CAMK2D: variants seen among roughly 807,000 people sequenced by gnomAD.
CAMK2D encodes the protein calcium/calmodulin-dependent protein kinase type II subunit delta.
In CAMK2D, 37 loss-of-function variants were observed where a neutral mutation model predicts 84.0. The observed-to-expected ratio is 0.44, with a 90% CI of 0.34 to 0.58. CAMK2D has a LOEUF of 0.58. Ranked by LOEUF, CAMK2D falls within the 20% of genes least tolerant of loss-of-function variation. The pLI, the probability that CAMK2D is intolerant of heterozygous loss-of-function variation, is 0.02. For missense variants in CAMK2D, 448 were observed against 652.5 expected (o/e 0.69, Z 3.41); for synonymous variants, 202 against 212.5 (o/e 0.95, Z 0.43).
chr4:113,617,315 T>C (rs28425537), intron 3 of CAMK2D, among the ~76,000 whole-genome samples: 23,136 of 151,822 alleles, frequency 0.15, 1,819 homozygotes, highest in East Asian at 0.19. Flanking sequence ...TACAAAAAAT[T>C]AGCTGGGTGT....
chr4:113,740,237 A>C (rs2099589650), intron 2 of CAMK2D, among the ~76,000 whole-genome samples: 1 of 152,204 alleles, frequency 6.6e-6, no homozygotes, highest in African/African-American at 2.4e-5. Flanking sequence ...CAGAATGGAC[A>C]AAAGGTAGAA....
At chr4:113,600,847 C>A (rs1031355183) in intron 4 of CAMK2D, among the ~76,000 whole-genome samples, 1 of 152,150 alleles carries the variant, frequency 6.6e-6, no homozygotes, top group Non-Finnish European at 1.5e-5. Flanking sequence ...GTTGCCCAGG[C>A]TGATCTTTAA....
chr4:113,752,566 C>G (rs1209670810), intron 2 of CAMK2D, among the ~76,000 whole-genome samples: 6 of 152,110 alleles, frequency 3.9e-5, no homozygotes, highest in Non-Finnish European at 5.9e-5. Flanking sequence ...AAGAGTAGAA[C>G]AGCTTTCTGA....
intron 4 of CAMK2D, among the ~76,000 whole-genome samples, chr4:113,592,142 C>A (rs2098891297): frequency 6.6e-6 from 1 of 152,040 alleles, no homozygotes. Context: ...TAACTGCAAG[C>A]CGACAGCAGA....
chr4:113,578,436 T>C (rs952085862), intron 4 of CAMK2D, among the ~76,000 whole-genome samples: 5 of 152,224 alleles, frequency 3.3e-5, no homozygotes, highest in Admixed American at 1.3e-4. Flanking sequence ...CCACTCACTC[T>C]GTTCCATCTC....
intron 4 of CAMK2D, among the ~76,000 whole-genome samples, chr4:113,596,895 C>T (rs1464174690): frequency 6.6e-6 from 1 of 151,298 alleles, no homozygotes; most frequent in Non-Finnish European, 1.5e-5. Context: ...TCTCAGCTCA[C>T]TGCAATCTCA....
chr4:113,647,763 T>C (rs2099157588), intron 3 of CAMK2D, among the ~76,000 whole-genome samples: 1 of 152,260 alleles, frequency 6.6e-6, no homozygotes, highest in African/African-American at 2.4e-5. Context: ...TTCCATCTCT[T>C]TTCTCTCATC....
intron 18 of CAMK2D, among the ~76,000 whole-genome samples, chr4:113,458,840 A>G (rs2097336471): frequency 6.6e-6 from 1 of 152,206 alleles, no homozygotes; most frequent in Non-Finnish European, 1.5e-5. Context: ...CCTATAATAC[A>G]TTTCTTTTTT....
intron 8 of CAMK2D, among the ~76,000 whole-genome samples, chr4:113,523,820 T>TA (rs2098393540): frequency 6.6e-6 from 1 of 151,338 alleles, no homozygotes; most frequent in Admixed American, 6.6e-5. Flanking sequence ...AATAAATAAA[T>TA]AATTAGTACA....
intron 3 of CAMK2D, among the ~76,000 whole-genome samples, chr4:113,661,348 T>G (rs2099231166): frequency 6.6e-6 from 1 of 152,196 alleles, no homozygotes; most frequent in African/African-American, 2.4e-5. Context: ...AATTATGTGG[T>G]TAAAATAAAG....
At chr4:113,496,329 A>G (rs1360884873) in intron 16 of CAMK2D, among the ~76,000 whole-genome samples, 1 of 152,106 alleles carries the variant, frequency 6.6e-6, no homozygotes, top group Admixed American at 6.5e-5. Flanking sequence ...AAAGAATTGT[A>G]TATTTTGAAA....
Position 113,643,961 on chromosome 4 carries a change from G to T in CAMK2D, c.220+17752C>A, listed in dbSNP as rs1254473475. Among the ~76,000 whole-genome samples, 8 of 152,266 alleles carry T rather than the reference G, an allele frequency of 5.3e-5. No homozygotes were observed. The East Asian group carries it at 7.7e-4, about 15-fold the overall frequency. On this transcript the variant is annotated intron_variant, in intron 3 of 20. Coordinates refer to ENST00000511664, the MANE Select transcript of CAMK2D (RefSeq NM_001321571.2). Reference sequence around the variant, plus strand: ...AAGTAATTCTCTTCATGAGATATTTGCAAATCAAGGTGAATACAATATGCT... The same window carrying T: ...AAGTAATTCTCTTCATGAGATATTTTCAAATCAAGGTGAATACAATATGCT...
chr4:113,717,994 T>G (rs1247043203), intron 2 of CAMK2D, among the ~76,000 whole-genome samples: 1 of 152,028 alleles, frequency 6.6e-6, no homozygotes, highest in East Asian at 1.9e-4. Flanking sequence ...AAGACTTAAA[T>G]TTTTAAAGCA....
chr4:113,657,651 CAT>C (rs1410817593), intron 3 of CAMK2D, among the ~76,000 whole-genome samples: 1 of 151,946 alleles, frequency 6.6e-6, no homozygotes, highest in African/African-American at 2.4e-5. Context: ...GTCAGAAAAA[CAT>C]AAAAAATAAC....
At chr4:113,656,787 A>G (rs1345144605) in intron 3 of CAMK2D, among the ~76,000 whole-genome samples, 1 of 152,102 alleles carries the variant, frequency 6.6e-6, no homozygotes. Context: ...TGTGACCTCC[A>G]TAGATATATC....
intron 8 of CAMK2D, among the ~76,000 whole-genome samples, chr4:113,524,936 C>T (rs2098405098): frequency 1.3e-5 from 2 of 152,264 alleles, no homozygotes; most frequent in South Asian, 4.1e-4. Flanking sequence ...TGGATGAAGG[C>T]AGAAGGCTTC....
At chr4:113,669,932 A>C (rs2099273041) in intron 2 of CAMK2D, among the ~76,000 whole-genome samples, 1 of 152,188 alleles carries the variant, frequency 6.6e-6, no homozygotes. Flanking sequence ...ATTAGGACAC[A>C]TGGTATCAGA....
intron 7 of CAMK2D, among the ~76,000 whole-genome samples, chr4:113,532,252 G>A (rs2154183782): frequency 6.6e-6 from 1 of 152,224 alleles, no homozygotes; most frequent in South Asian, 2.1e-4. Flanking sequence ...AAAAGAAAAT[G>A]AGGAAAAAAA....
intron 2 of CAMK2D, among the ~76,000 whole-genome samples, chr4:113,745,862 T>A (rs2148983708): frequency 6.6e-6 from 1 of 152,292 alleles, no homozygotes; most frequent in Middle Eastern, 3.4e-3. Flanking sequence ...TAACGCTGTC[T>A]CCTCCATTCT....
Sources: allele counts gnomAD v4.1 joint callset (sites outside exome capture counted in the v4.1 genomes callset), GRCh38; gene constraint gnomAD v4.1.1; transcripts MANE v1.5; gene names NCBI Gene and HGNC (gene_info 2026-07-23, HGNC 2026-07-21).